TMEM25: variants seen among roughly 807,000 people sequenced by gnomAD.
TMEM25 encodes transmembrane protein 25, also known as 0610039J01Rik.
A neutral mutation model predicts 37.0 loss-of-function variants in TMEM25; 36 were observed. The observed-to-expected ratio is 0.97, with a 90% CI of 0.75 to 1.28. TMEM25 has a LOEUF of 1.28. TMEM25 is among the 50% of genes most tolerant of loss of function. The probability of loss-of-function intolerance (pLI) is 0.00; values close to 1 mark genes in which losing one functional copy is unlikely to be tolerated. For synonymous variants in TMEM25, 197 were observed against 203.7 expected (o/e 0.97, Z 0.28); for missense variants, 444 against 477.9 (o/e 0.93, Z 0.66).
At chr11:118,541,024 G>A (rs141093895) in intron 8 of TMEM25, among the ~76,000 whole-genome samples, 55 of 152,194 alleles carry the variant, frequency 3.6e-4, no homozygotes, top group African/African-American at 7.5e-4. Flanking sequence ...TCTGGAATTC[G>A]TAGTGATAGA....
intron 3 of TMEM25, 57 bp downstream of exon 3, chr11:118,532,518 C>T (rs1464009764): frequency 1.9e-6 from 3 of 1,542,310 alleles, no homozygotes; most frequent in South Asian, 1.2e-5. Flanking sequence ...ACCCCCAGCA[C>T]CCACCAGGCA....
Position 118,533,034 on chromosome 11 carries a change from A to G in TMEM25, c.500A>G (p.Asp167Gly). ...ANPPANVTWI[D>G]QDGPVTVNTS... ...CCGCCGGCCAATGTCACCTGGATCG[A>G]CCAGGATGGGCCAGTGACTGTCAAC... Residue 167 changes from aspartate (D) to glycine (G), a missense_variant, in exon 4 of 9, where the codon GAC (aspartate) becomes GGC (glycine). Transcript: ENST00000313236. 1 of 1,614,186 alleles carries G rather than the reference A, an allele frequency of 6.2e-7. No homozygotes were observed. The highest frequency in any genetic ancestry group is 8.5e-7 in the Non-Finnish European group (1 of 1,180,028).
intron 3 of TMEM25, 112 bp from the exon 4 acceptor site, chr11:118,532,805 C>G: frequency 9.2e-6 from 13 of 1,419,156 alleles, no homozygotes; most frequent in Non-Finnish European, 1.2e-5. Context: ...TGTTCCTCAG[C>G]ATCCCCTCTG....
chr11:118,538,371 A>T (rs1052090117), downstream of TMEM25, among the ~76,000 whole-genome samples: 1 of 151,640 alleles, frequency 6.6e-6, no homozygotes, highest in African/African-American at 2.4e-5. Context: ...GTTTCACCAT[A>T]TTGGCCAGGC....
At chr11:118,546,241 T>C in exon 9 of TMEM25, 1 of 708,672 alleles carries the variant, frequency 1.4e-6, no homozygotes, top group Admixed American at 2.1e-5. Flanking sequence ...TTCACGCCTG[T>C]AATACCAGCA....
chr11:118,535,663 C>T lies in TMEM25; in HGVS notation c.*1083C>T, dbSNP rs1951495626. 12 of 1,503,492 alleles carry T rather than the reference C, an allele frequency of 8.0e-6. No individual in the cohort carries two copies. Among genetic ancestry groups the T allele is most frequent in the Non-Finnish European group, 1.1e-5 (12 of 1,125,248 alleles). The allele number at this position is 1,503,492 out of a possible 1,614,324, so 93.1% of individuals were successfully genotyped here. On this transcript the variant is annotated 3_prime_UTR_variant, in exon 9 of 9. Transcript: ENST00000313236. ...GGAGAAAGAAGGAGACCACATACCC[C>T]AAAGTGACCTAAGAACACTTTAAAA... is the stretch of plus-strand genomic sequence containing the variant.
chr11:118,539,753 A>G (rs11216883), downstream of TMEM25, among the ~76,000 whole-genome samples: 24,495 of 151,702 alleles, frequency 0.16, 2,436 homozygotes, highest in East Asian at 0.49. Flanking sequence ...AGGCACAGTC[A>G]TTCACACCTG....
downstream of TMEM25, chr11:118,546,683 T>C (rs1169152831): frequency 6.5e-6 from 1 of 154,360 alleles, no homozygotes; most frequent in Non-Finnish European, 1.4e-5. Flanking sequence ...AGTATGGAAT[T>C]GGTCATATGT....
rs781937382 is a variant in TMEM25, at chr11:118,531,784, G to A, written c.-18G>A. On this transcript the variant is annotated 5_prime_UTR_variant, in exon 2 of 9. Transcript: ENST00000313236. ...CGCCCCCTTCTCTCAGCAGCCTAGG[G>A]CCTAGGCCCGGGCCACCATGGCGCT... 249 of 1,549,040 alleles carry A rather than the reference G, an allele frequency of 1.6e-4. No individual in the cohort carries two copies. The highest frequency in any genetic ancestry group is 2.1e-4 in the Non-Finnish European group (245 of 1,146,486).
downstream of TMEM25, among the ~76,000 whole-genome samples, chr11:118,536,182 A>G (rs778231192): frequency 6.8e-6 from 1 of 146,958 alleles, no homozygotes; most frequent in Non-Finnish European, 1.5e-5. Flanking sequence ...CCAGCCTTCT[A>G]ATATGCTTTT....
chr11:118,539,317 G>A (rs1326176822), downstream of TMEM25, among the ~76,000 whole-genome samples: 1 of 151,792 alleles, frequency 6.6e-6, no homozygotes, highest in Non-Finnish European at 1.5e-5. Flanking sequence ...ACAGGTGCGT[G>A]CCACCACACC....
At chr11:118,532,109 C>G in intron 2 of TMEM25, 41 bp from the exon 3 acceptor site, 1 of 1,494,584 alleles carries the variant, frequency 6.7e-7, no homozygotes, top group East Asian at 2.4e-5. Flanking sequence ...CAGTACCAAC[C>G]GTGCCTGAGC....
intron 8 of TMEM25, chr11:118,545,621 G>T: frequency 9.4e-7 from 1 of 1,061,340 alleles, no homozygotes. Flanking sequence ...TAAATACCCA[G>T]CAGGTAGTCA....
At position 118,532,396 on chromosome 11, in the gene TMEM25, A is replaced by G. The variant is rs372213357; in HGVS notation, c.317A>G (p.Asn106Ser). 90 of 1,612,568 alleles carry G rather than the reference A, an allele frequency of 5.6e-5. No homozygotes were observed. Among genetic ancestry groups the G allele is most frequent in the Non-Finnish European group, 7.1e-5 (84 of 1,179,220 alleles). The change falls in exon 3 of 9, where the codon AAC becomes AGC. Residue 106 changes from asparagine (N) to serine (S), a missense_variant. Coordinates refer to ENST00000313236, the MANE Select transcript of TMEM25 (RefSeq NM_032780.4). ...VTAHRAQHEL[N>S]CSLQDPRSGR... Reference sequence around the variant, plus strand: ...GCCCATCGGGCCCAGCATGAGCTCAACTGCTCTCTGCAGGACCCCAGAAGT... The same window carrying G: ...GCCCATCGGGCCCAGCATGAGCTCAGCTGCTCTCTGCAGGACCCCAGAAGT...
At chr11:118,536,218 A>T (rs1951507904), downstream of TMEM25, among the ~76,000 whole-genome samples, 1 of 129,684 alleles carries the variant, frequency 7.7e-6, no homozygotes, top group Non-Finnish European at 1.6e-5. Context: ...TTTGAGACAG[A>T]GTTTTGCTCA....
downstream of TMEM25, among the ~76,000 whole-genome samples, chr11:118,536,985 C>G (rs1166623326): frequency 1.6e-4 from 25 of 152,094 alleles, no homozygotes; most frequent in Non-Finnish European, 1.5e-5. Context: ...AGGGATCCTC[C>G]CACCTCAGCC....
chr11:118,541,828 G>T (rs1267929690), intron 8 of TMEM25, among the ~76,000 whole-genome samples: 1 of 152,158 alleles, frequency 6.6e-6, no homozygotes, highest in Non-Finnish European at 1.5e-5. Flanking sequence ...CACAATCACG[G>T]CTCACTGCAG....
At chr11:118,541,455 C>G (rs1406157294) in intron 8 of TMEM25, among the ~76,000 whole-genome samples, 1 of 107,682 alleles carries the variant, frequency 9.3e-6, no homozygotes, top group Non-Finnish European at 1.7e-5. Context: ...GAGCGAGACC[C>G]TGTCTCAAAA....
chr11:118,531,683 T>G, intron 1 of TMEM25, 92 bp from the exon 2 acceptor site: 2 of 998,170 alleles, frequency 2.0e-6, no homozygotes, highest in Non-Finnish European at 1.4e-6. Context: ...TTTCCGTACA[T>G]GGTTCTTTTT....
Sources: allele counts gnomAD v4.1 joint callset (sites outside exome capture counted in the v4.1 genomes callset), GRCh38; gene constraint gnomAD v4.1.1; transcripts MANE v1.5; gene names NCBI Gene and HGNC (gene_info 2026-07-23, HGNC 2026-07-21).